The following MRTFA variants were observed in gnomAD, a reference collection of about 807,000 sequenced individuals.
MRTFA encodes the protein myocardin related transcription factor A.
A neutral mutation model predicts 83.5 loss-of-function variants in MRTFA; 20 were observed. The ratio of observed to expected loss-of-function variants is 0.24; its 90% confidence interval spans 0.17 to 0.35. MRTFA has a LOEUF of 0.35. Among genes scored for constraint, MRTFA ranks in the 10% least tolerant of loss-of-function variants. MRTFA has a pLI of 1.00. For missense variants in MRTFA, 1,200 were observed against 1,224.7 expected, an observed-to-expected ratio of 0.98 and a Z score of 0.30; for synonymous variants, 659 against 541.2, an observed-to-expected ratio of 1.22 and a Z score of -3.02.
At chr22:40,582,665 TACACAC>T (rs3044561) in intron 2 of MRTFA, among the ~76,000 whole-genome samples, 5 of 143,118 alleles carry the variant, frequency 3.5e-5, no homozygotes, top group East Asian at 2.0e-4. Context: ...TATACACACA[TACACAC>T]ACACACACAC....
intron 1 of MRTFA, among the ~76,000 whole-genome samples, chr22:40,600,064 T>C (rs1602481348): frequency 6.6e-6 from 1 of 150,624 alleles, no homozygotes; most frequent in South Asian, 2.1e-4. Context: ...GAATAAACTG[T>C]GGGGATTTTT....
At position 40,410,990 on chromosome 22, in the gene MRTFA, G is replaced by C. The variant is rs536312345; in HGVS notation, c.*400C>G. The stretch of plus-strand genomic sequence containing the variant: ...CTTCACAGCAAAGCAGGGAGAGAAA[G>C]GAAGGAGATTCACCCCTTAACCTGT... On this transcript the variant is annotated 3_prime_UTR_variant, in exon 15 of 15. Transcript: ENST00000355630. The C allele has an allele frequency of 4.1e-6, 1 of 241,634 alleles. No individual in the cohort carries two copies. The highest frequency in any genetic ancestry group is 5.6e-5 in the Admixed American group (1 of 18,006). 15.0% of individuals were successfully genotyped at this position (241,634 alleles called of 1,614,324 possible).
intron 3 of MRTFA, among the ~76,000 whole-genome samples, chr22:40,489,971 CA>C (rs55808950): frequency 1.6e-3 from 169 of 105,840 alleles, no homozygotes; most frequent in Middle Eastern, 0.01. Flanking sequence ...GACTCTGTCG[CA>C]AAAAAAAAAA....
At position 40,541,648 on chromosome 22, in the gene MRTFA, CTGTG is replaced by C. The variant is rs112837274; in HGVS notation, c.241+10454_241+10457del. Among the ~76,000 whole-genome samples, 290 of 151,022 alleles carry C rather than the reference CTGTG, an allele frequency of 1.9e-3. 1 individual carries two copies. The highest frequency in any genetic ancestry group is 3.2e-3 in the Non-Finnish European group (218 of 67,622). On this transcript the variant is annotated intron_variant, in intron 3 of 14. Transcript: ENST00000355630. ...TCCTTAGACCCAGGATAGCTGATGG[CTGTG>C]TGTGTGTGTGTGTATTTTCTGTTTG...
At chr22:40,550,852 C>CT (rs111531159) in intron 3 of MRTFA, among the ~76,000 whole-genome samples, 1,380 of 89,490 alleles carry the variant, frequency 0.015, 23 homozygotes, top group African/African-American at 0.043. Flanking sequence ...TTTCTTTTTT[C>CT]TTTTTTTTTT....
At chr22:40,493,280 ATTC>A (rs1423455073) in intron 3 of MRTFA, among the ~76,000 whole-genome samples, 2 of 152,210 alleles carry the variant, frequency 1.3e-5, no homozygotes, top group African/African-American at 4.8e-5. Context: ...GTGCCACCAT[ATTC>A]TTCTCCCTAC....
chr22:40,516,865 T>A, intron 3 of MRTFA, among the ~76,000 whole-genome samples: 1 of 152,130 alleles, frequency 6.6e-6, no homozygotes, highest in Middle Eastern at 3.2e-3. Context: ...ATTTATTTTT[T>A]AAAAAAGAAG....
chr22:40,579,806 G>A (rs2055919524), intron 2 of MRTFA, among the ~76,000 whole-genome samples: 1 of 150,820 alleles, frequency 6.6e-6, no homozygotes, highest in Non-Finnish European at 1.5e-5. Context: ...GTTGCAGTGA[G>A]CCAAGACGGC....
chr22:40,628,043 C>A (rs2056600736), intron 1 of MRTFA, among the ~76,000 whole-genome samples: 1 of 152,160 alleles, frequency 6.6e-6, no homozygotes, highest in African/African-American at 2.4e-5. Flanking sequence ...TCTCTTTGCT[C>A]ATCTGCAAAA....
chr22:40,537,008 G>A (rs2055191727), intron 3 of MRTFA, among the ~76,000 whole-genome samples: 2 of 64,432 alleles, frequency 3.1e-5, no homozygotes, highest in Non-Finnish European at 6.2e-5. Context: ...GTCCGGGAGG[G>A]AGGTGGGGGG....
At position 40,529,447 on chromosome 22, in the gene MRTFA, G is replaced by C. The variant is rs532388447; in HGVS notation, c.241+22659C>G. Among the ~76,000 whole-genome samples the C allele has an allele frequency of 3.9e-5, 6 of 152,210 alleles. No homozygotes were observed. In the South Asian group the frequency reaches 1.2e-3, roughly 32 times the overall value. The stretch of plus-strand genomic sequence containing the variant: ...TTCCCCTGCCTCAGCTTCCCAAGTA[G>C]CTGGAATTACAGGCACCCACCACCA... On this transcript the variant is annotated intron_variant, in intron 3 of 14. Transcript: ENST00000355630.
intron 3 of MRTFA, among the ~76,000 whole-genome samples, chr22:40,536,354 G>A (rs986180652): frequency 2.7e-4 from 41 of 149,764 alleles, no homozygotes; most frequent in Non-Finnish European, 5.1e-4. Context: ...CCGGGAGGAT[G>A]GAGTTCAGCG....
At chr22:40,587,988 C>A in intron 2 of MRTFA, 2 of 235,160 alleles carry the variant, frequency 8.5e-6, no homozygotes, top group Non-Finnish European at 1.7e-5. Flanking sequence ...AACAGTGGAT[C>A]AGCACATCCA....
At chr22:40,552,831 C>A (rs959905080) in intron 2 of MRTFA, among the ~76,000 whole-genome samples, 1 of 152,136 alleles carries the variant, frequency 6.6e-6, no homozygotes, top group Admixed American at 6.6e-5. Flanking sequence ...AATGTGGAAG[C>A]AACTTTGAAA....
chr22:40,555,986 C>T (rs1325805553), intron 2 of MRTFA, among the ~76,000 whole-genome samples: 1 of 151,994 alleles, frequency 6.6e-6, no homozygotes, highest in Non-Finnish European at 1.5e-5. Flanking sequence ...AATGCTTATT[C>T]TAAAGCCACA....
chr22:40,527,135 C>CAA (rs1250068601), intron 3 of MRTFA, among the ~76,000 whole-genome samples: 1 of 148,120 alleles, frequency 6.8e-6, no homozygotes, highest in Non-Finnish European at 1.5e-5. Flanking sequence ...CAAAGATACA[C>CAA]ACACACACAC....
intron 3 of MRTFA, among the ~76,000 whole-genome samples, chr22:40,545,727 C>A (rs1163288111): frequency 6.7e-6 from 1 of 149,418 alleles, no homozygotes; most frequent in East Asian, 2.0e-4. Context: ...GCCACCACGC[C>A]CGGCCATTTT....
At chr22:40,534,066 A>G (rs1438020048) in intron 3 of MRTFA, among the ~76,000 whole-genome samples, 2 of 152,238 alleles carry the variant, frequency 1.3e-5, no homozygotes, top group Admixed American at 6.5e-5. Flanking sequence ...AACAGATTAA[A>G]CACAATCCAA....
At chr22:40,572,817 T>C (rs111283757) in intron 2 of MRTFA, among the ~76,000 whole-genome samples, 4 of 152,314 alleles carry the variant, frequency 2.6e-5, no homozygotes, top group African/African-American at 7.2e-5. Context: ...GACTCATTCA[T>C]TATCATGAGA....
Sources: allele counts gnomAD v4.1 joint callset (sites outside exome capture counted in the v4.1 genomes callset), GRCh38; gene constraint gnomAD v4.1.1; transcripts MANE v1.5; gene names NCBI Gene and HGNC (gene_info 2026-07-23, HGNC 2026-07-21).